The following NAA35 variants were observed in gnomAD, a reference collection of about 807,000 sequenced individuals.
NAA35 encodes MAK10 homolog, amino-acid N-acetyltransferase subunit.
A neutral mutation model predicts 101.7 loss-of-function variants in NAA35; 18 were observed. That is an observed-to-expected ratio of 0.18 (90% CI 0.12 to 0.26). The LOEUF (loss-of-function observed/expected upper bound fraction) is 0.26, where lower values mean the gene tolerates loss of function less well. Among genes scored for constraint, NAA35 ranks in the 10% least tolerant of loss-of-function variants. The pLI, the probability that NAA35 is intolerant of heterozygous loss-of-function variation, is 1.00. For missense variants in NAA35, 601 were observed against 886.8 expected (o/e 0.68, Z 4.09); for synonymous variants, 267 against 273.1 (o/e 0.98, Z 0.22).
At chr9:85,945,192 GC>G (rs1207360449) in intron 2 of NAA35, among the ~76,000 whole-genome samples, 2 of 152,058 alleles carry the variant, frequency 1.3e-5, no homozygotes, top group Admixed American at 1.3e-4. Flanking sequence ...CCATTTTGTG[GC>G]CAACATACCA....
rs560667039 is a variant in NAA35, at chr9:86,015,556, G to A, written c.1569-983G>A. 8 of 216,260 alleles carry A rather than the reference G, an allele frequency of 3.7e-5. No homozygotes were observed. In the South Asian group the frequency reaches 1.3e-3, roughly 36 times the overall value. The allele number at this position is 216,260 out of a possible 1,614,324, so 13.4% of individuals were successfully genotyped here. A position where few individuals can be genotyped will look rare whatever the true frequency, so the allele number is the denominator to read the frequency against. Reference sequence around the variant, plus strand: ...GTTCCTAGAATTCCTGACCTGTTAGGTCTAGGGTGAGACCGAATAATTTGC... The same window carrying A: ...GTTCCTAGAATTCCTGACCTGTTAGATCTAGGGTGAGACCGAATAATTTGC... On this transcript the variant is annotated intron_variant, in intron 17 of 22. Transcript: ENST00000361671.
chr9:85,988,850 A>G (rs911430997), intron 11 of NAA35, among the ~76,000 whole-genome samples: 1 of 152,114 alleles, frequency 6.6e-6, no homozygotes, highest in Non-Finnish European at 1.5e-5. Flanking sequence ...TAAGCGAAGC[A>G]GAAGTGAGCA....
chr9:86,014,364 T>A (rs930479985), intron 17 of NAA35: 3 of 983,142 alleles, frequency 3.1e-6, no homozygotes, highest in African/African-American at 1.7e-5. Flanking sequence ...TAAAAGATGA[T>A]CTTCGGCAGA....
In NAA35 at chr9:85,990,417, G is replaced by A. The variant is rs140122507; in HGVS notation, c.878-5982G>A. 4.2e-4 allele frequency among the ~76,000 whole-genome samples: 64 copies of A among 152,312 alleles called. 2 individuals are homozygous for A. The East Asian group carries it at 7.1e-3, about 17-fold the overall frequency. The stretch of plus-strand genomic sequence containing the variant: ...AAACCATAGCAATGACCAAAGGAAG[G>A]TAAAGGGAGGTCTTTAGCATTATCA... On this transcript the variant is annotated intron_variant, in intron 11 of 22. Transcript: ENST00000361671.
At chr9:86,008,933 T>G (rs1027118761) in intron 14 of NAA35, among the ~76,000 whole-genome samples, 1 of 152,184 alleles carries the variant, frequency 6.6e-6, no homozygotes, top group Non-Finnish European at 1.5e-5. Flanking sequence ...TTGTCCCTGT[T>G]ATTACTTATT....
intron 6 of NAA35, among the ~76,000 whole-genome samples, chr9:85,968,274 T>A (rs1334664496): frequency 6.6e-6 from 1 of 152,084 alleles, no homozygotes; most frequent in Non-Finnish European, 1.5e-5. Flanking sequence ...TCAGTGGCGC[T>A]ATCTCGGCTC....
Position 86,016,496 on chromosome 9 carries a change from C to A in NAA35, c.1569-43C>A, listed in dbSNP as rs776373914. 6.4e-6 allele frequency: 10 copies of A among 1,573,068 alleles called. No homozygotes were observed. In the East Asian group the frequency reaches 2.2e-4, roughly 35 times the overall value. On this transcript the variant is annotated intron_variant, in intron 17 of 22. Transcript: ENST00000361671. Reference sequence around the variant, plus strand: ...AATATATGTGTTGATAAAGCTGTCTCATTTAGACATCTACCATTAACTAAC... The same window carrying A: ...AATATATGTGTTGATAAAGCTGTCTAATTTAGACATCTACCATTAACTAAC...
intron 6 of NAA35, among the ~76,000 whole-genome samples, chr9:85,964,962 C>T (rs1024570147): frequency 1.3e-5 from 2 of 152,188 alleles, no homozygotes; most frequent in African/African-American, 2.4e-5. Flanking sequence ...TATCCATTGA[C>T]GGTGCTTGCC....
At chr9:86,018,981 C>T (rs541663827) in intron 21 of NAA35, among the ~76,000 whole-genome samples, 160 bp downstream of exon 21, 2 of 152,224 alleles carry the variant, frequency 1.3e-5, no homozygotes, top group South Asian at 4.1e-4. Flanking sequence ...GTCAAACTAA[C>T]GTTGTCAGAC....
chr9:85,997,148 G>T (rs968946285), intron 12 of NAA35, among the ~76,000 whole-genome samples: 1 of 151,220 alleles, frequency 6.6e-6, no homozygotes, highest in Non-Finnish European at 1.5e-5. Flanking sequence ...TTTTTGTAGA[G>T]ATGGGGTCTC....
chr9:85,972,758 T>G (rs894034780), intron 6 of NAA35, among the ~76,000 whole-genome samples: 1 of 152,194 alleles, frequency 6.6e-6, no homozygotes, highest in African/African-American at 2.4e-5. Flanking sequence ...AACCTGCCTT[T>G]TGAGTTCATG....
At chr9:85,958,715 C>A (rs557006585) in intron 4 of NAA35, 129 bp downstream of exon 4, 12 of 525,852 alleles carry the variant, frequency 2.3e-5, no homozygotes, top group Middle Eastern at 5.0e-4. Context: ...AGCATATAAA[C>A]AAGAATTAGT....
intron 12 of NAA35, among the ~76,000 whole-genome samples, chr9:85,998,260 T>C (rs1334396775): frequency 6.6e-6 from 1 of 152,164 alleles, no homozygotes; most frequent in Non-Finnish European, 1.5e-5. Context: ...TCATGGTGTT[T>C]GGTAACCTGC....
chr9:86,003,244 G>A (rs1344223935), intron 12 of NAA35, among the ~76,000 whole-genome samples: 1 of 152,094 alleles, frequency 6.6e-6, no homozygotes, highest in Non-Finnish European at 1.5e-5. Context: ...CAGTTGACTT[G>A]ATTACTTGGA....
At chr9:85,950,019 A>G (rs960377779) in intron 2 of NAA35, among the ~76,000 whole-genome samples, 2 of 152,138 alleles carry the variant, frequency 1.3e-5, no homozygotes, top group Non-Finnish European at 2.9e-5. Flanking sequence ...TGATGATGTC[A>G]TTGCTCTGAT....
intron 2 of NAA35, among the ~76,000 whole-genome samples, chr9:85,944,582 C>T (rs1235331196): frequency 1.3e-5 from 2 of 152,224 alleles, no homozygotes; most frequent in African/African-American, 2.4e-5. Context: ...CCCTTGGTGA[C>T]AGCAGAAGAG....
intron 22 of NAA35, among the ~76,000 whole-genome samples, chr9:86,021,665 A>T (rs992076158): frequency 6.6e-6 from 1 of 152,242 alleles, no homozygotes. Context: ...CTTTGAAGAT[A>T]GAAAACAGCT....
intron 1 of NAA35, chr9:85,941,844 A>G (rs1828532771): frequency 1.9e-6 from 2 of 1,060,528 alleles, no homozygotes; most frequent in Non-Finnish European, 2.3e-6. Context: ...TGAAAGTTGG[A>G]AGCTCTGGAG....
chr9:85,974,709 T>C (rs1830139008), intron 6 of NAA35, among the ~76,000 whole-genome samples: 1 of 152,164 alleles, frequency 6.6e-6, no homozygotes, highest in Non-Finnish European at 1.5e-5. Flanking sequence ...ATATGGCAAG[T>C]GAACGTATTA....
Sources: gnomAD v4.1 joint callset for allele counts (sites outside exome capture counted in the v4.1 genomes callset) on GRCh38, gnomAD v4.1.1 for gene constraint, MANE v1.5 for transcripts, NCBI Gene and HGNC (gene_info 2026-07-23, HGNC 2026-07-21) for gene names.